BCAS4: variants seen among roughly 807,000 people sequenced by gnomAD.
The protein encoded by BCAS4 is breast carcinoma-amplified sequence 4.
In BCAS4, 9 loss-of-function variants were observed where a neutral mutation model predicts 15.7. The observed-to-expected ratio is 0.57, with a 90% CI of 0.34 to 1.00. The LOEUF is 1.00. Ranked by LOEUF, BCAS4 falls within the 50% of genes least tolerant of loss-of-function variation. The pLI is 0.02. For synonymous variants in BCAS4, 101 were observed against 99.5 expected (o/e 1.02, Z -0.09); for missense variants, 225 against 239.1 (o/e 0.94, Z 0.39).
intron 4 of BCAS4, among the ~76,000 whole-genome samples, chr20:50,873,613 T>A (rs1288246194): frequency 6.6e-6 from 1 of 152,238 alleles, no homozygotes; most frequent in Non-Finnish European, 1.5e-5. Flanking sequence ...GCCCTCTGGC[T>A]GGAGATGTAT....
chr20:50,821,427 C>T (rs1178296683), intron 2 of BCAS4, among the ~76,000 whole-genome samples: 1 of 152,216 alleles, frequency 6.6e-6, no homozygotes, highest in East Asian at 1.9e-4. Context: ...ATCCTCTTGG[C>T]CCCTAGAGGT....
chr20:50,799,178 C>G (rs925930621), intron 1 of BCAS4, among the ~76,000 whole-genome samples: 16 of 152,144 alleles, frequency 1.1e-4, no homozygotes. Flanking sequence ...TGGCTAAGCC[C>G]CAGCTTCATT....
intron 4 of BCAS4, among the ~76,000 whole-genome samples, chr20:50,848,724 C>T (rs377246675): frequency 3.3e-5 from 5 of 152,244 alleles, no homozygotes; most frequent in African/African-American, 7.2e-5. Context: ...GAGCAGGGCA[C>T]GTGGGTGCCC....
intron 1 of BCAS4, among the ~76,000 whole-genome samples, chr20:50,796,119 C>T (rs896537933): frequency 3.3e-5 from 5 of 151,600 alleles, no homozygotes; most frequent in African/African-American, 1.2e-4. Context: ...TGGTGGCTCA[C>T]GCTTGTAATC....
chr20:50,863,196 G>T (rs1420082689), intron 4 of BCAS4, among the ~76,000 whole-genome samples: 1 of 147,714 alleles, frequency 6.8e-6, no homozygotes, highest in East Asian at 2.0e-4. Flanking sequence ...AGTAGTATTT[G>T]TGCAACCTGA....
At position 50,856,685 on chromosome 20, in the gene BCAS4, G is replaced by T. The variant is rs139891007; in HGVS notation, c.399+14785G>T. On this transcript the variant is annotated intron_variant, in intron 4 of 4. Coordinates refer to ENST00000371608, the MANE Select transcript of BCAS4 (RefSeq NM_198799.4). ...GTGTGCATTGGTACGGGGCAGGAGGGGCTCAGATGACAGTGGTCAGTGCTT... is the reference window on the plus strand; with the variant it reads ...GTGTGCATTGGTACGGGGCAGGAGGTGCTCAGATGACAGTGGTCAGTGCTT... Among the ~76,000 whole-genome samples the T allele has an allele frequency of 2.6e-5, 4 of 152,296 alleles. No individual in the cohort carries two copies. The East Asian group carries it at 7.7e-4, about 29-fold the overall frequency.
intron 3 of BCAS4, among the ~76,000 whole-genome samples, chr20:50,834,862 C>G (rs2088387685): frequency 6.6e-6 from 1 of 152,170 alleles, no homozygotes; most frequent in African/African-American, 2.4e-5. Flanking sequence ...CAAGGTTCAT[C>G]TATGTTGTAG....
In BCAS4 at chr20:50,814,523, G is replaced by C. The variant is rs765296030; in HGVS notation, c.91-3688G>C. Among the ~76,000 whole-genome samples the C allele has an allele frequency of 2.4e-4, 37 of 152,334 alleles. No individual in the cohort carries two copies. In the South Asian group the frequency reaches 3.9e-3, roughly 16 times the overall value. ...TAAACTGGAACTCCTGGGCTCAAGCGATCCTCTGGCCTCAGCCTCCCAGCG... is the reference window on the plus strand; with the variant it reads ...TAAACTGGAACTCCTGGGCTCAAGCCATCCTCTGGCCTCAGCCTCCCAGCG... On this transcript the variant is annotated intron_variant, in intron 1 of 4. Transcript: ENST00000371608.
chr20:50,816,171 G>A (rs770520340), intron 1 of BCAS4, among the ~76,000 whole-genome samples: 48 of 151,764 alleles, frequency 3.2e-4, no homozygotes, highest in Non-Finnish European at 2.1e-4. Context: ...GACTACAGAC[G>A]CGTGCCACCA....
At chr20:50,801,125 A>G (rs947970871) in intron 1 of BCAS4, among the ~76,000 whole-genome samples, 20 of 152,010 alleles carry the variant, frequency 1.3e-4, no homozygotes, top group African/African-American at 4.8e-4. Context: ...GGGATGCTGG[A>G]TTAGAAGTCT....
downstream of BCAS4, chr20:50,879,789 T>C (rs1309588039): frequency 6.6e-6 from 1 of 152,486 alleles, no homozygotes; most frequent in Non-Finnish European, 1.5e-5. Context: ...TCCGCTCCCA[T>C]GCCTCTTAGC....
intron 3 of BCAS4, chr20:50,840,775 G>T (rs2088469552): frequency 6.4e-7 from 1 of 1,558,332 alleles, no homozygotes; most frequent in Non-Finnish European, 8.8e-7. Context: ...GCGGAGCGAG[G>T]CACGCGAGAA....
At chr20:50,816,791 ATTTTTTTTTTTTTTTT>A (rs35600563) in intron 1 of BCAS4, among the ~76,000 whole-genome samples, 1,320 of 80,194 alleles carry the variant, frequency 0.016, 1 homozygote, top group Admixed American at 0.02. Flanking sequence ...TGCCTGGCTA[ATTTTTTTTTTTTTTTT>A]TTTTTTTTTT....
At chr20:50,865,498 C>T (rs538902572) in intron 4 of BCAS4, among the ~76,000 whole-genome samples, 44 of 152,290 alleles carry the variant, frequency 2.9e-4, no homozygotes, top group Admixed American at 2.4e-3. Flanking sequence ...TCCATGTTAA[C>T]GCTTTTCCTC....
Position 50,818,370 on chromosome 20 carries a change from T to G in BCAS4, c.162+88T>G, listed in dbSNP as rs1465305044. 3.0e-6 allele frequency: 4 copies of G among 1,336,434 alleles called. No individual in the cohort carries two copies. The African/African-American group carries it at 4.4e-5, about 15-fold the overall frequency. 82.8% of individuals were successfully genotyped at this position (1,336,434 alleles called of 1,614,324 possible). On this transcript the variant is annotated intron_variant, in intron 2 of 4. Coordinates refer to ENST00000371608, the MANE Select transcript of BCAS4 (RefSeq NM_198799.4). ...TTTTCTGCGGAAGCCATTTTGGTGG[T>G]GAGTTAGCAACCAGGAGGAATGGGG... is the stretch of plus-strand genomic sequence containing the variant.
chr20:50,833,728 C>T (rs913581240), intron 3 of BCAS4, among the ~76,000 whole-genome samples: 5 of 152,186 alleles, frequency 3.3e-5, no homozygotes, highest in Non-Finnish European at 5.9e-5. Flanking sequence ...AAATCCTTGT[C>T]GTATTCAACA....
intron 4 of BCAS4, among the ~76,000 whole-genome samples, chr20:50,867,582 C>A (rs973907517): frequency 3.3e-5 from 5 of 152,178 alleles, no homozygotes; most frequent in East Asian, 3.9e-4. Flanking sequence ...GGTCTTGAAA[C>A]CCTGCACTCA....
chr20:50,811,798 G>A (rs1202408968), intron 1 of BCAS4, among the ~76,000 whole-genome samples: 1 of 151,982 alleles, frequency 6.6e-6, no homozygotes, highest in Non-Finnish European at 1.5e-5. Context: ...AACTTTTGTA[G>A]TTTTAGTAAA....
intron 1 of BCAS4, among the ~76,000 whole-genome samples, chr20:50,806,778 C>T (rs2087994829): frequency 6.6e-6 from 1 of 151,122 alleles, no homozygotes; most frequent in Non-Finnish European, 1.5e-5. Context: ...TACAGGCATG[C>T]AAGGTGAAAT....
Sources: allele counts gnomAD v4.1 joint callset (sites outside exome capture counted in the v4.1 genomes callset), GRCh38; gene constraint gnomAD v4.1.1; transcripts MANE v1.5; gene names NCBI Gene and HGNC (gene_info 2026-07-23, HGNC 2026-07-21).